The following RHOBTB1 variants were observed in gnomAD, a reference collection of about 807,000 sequenced individuals.
RHOBTB1 encodes Rho related BTB domain containing 1, also known as rho-related BTB domain-containing protein 1.
Under a neutral mutation model 71.6 loss-of-function variants are expected in RHOBTB1, and 40 were observed. The ratio of observed to expected loss-of-function variants is 0.56; its 90% confidence interval spans 0.43 to 0.73. The LOEUF (loss-of-function observed/expected upper bound fraction) is 0.73, where lower values mean the gene tolerates loss of function less well. Among genes scored for constraint, RHOBTB1 ranks in the 30% least tolerant of loss-of-function variants. RHOBTB1 has a pLI of 0.00. For missense variants in RHOBTB1, 797 were observed against 894.0 expected (o/e 0.89, Z 1.38); for synonymous variants, 319 against 334.9 (o/e 0.95, Z 0.52).
At chr10:60,882,339 T>C (rs981459596) in intron 7 of RHOBTB1, among the ~76,000 whole-genome samples, 3 of 152,100 alleles carry the variant, frequency 2.0e-5, no homozygotes, top group South Asian at 4.1e-4. Context: ...GGCAGTCTCA[T>C]AGAGAATGAG....
chr10:60,985,389 C>A (rs979512138), intron 2 of RHOBTB1, among the ~76,000 whole-genome samples: 1 of 152,138 alleles, frequency 6.6e-6, no homozygotes, highest in Non-Finnish European at 1.5e-5. Flanking sequence ...ACATTCAGTG[C>A]CCAGGCCAAA....
intron 1 of RHOBTB1, among the ~76,000 whole-genome samples, chr10:60,994,278 A>T (rs1016979925): frequency 1.3e-5 from 2 of 152,188 alleles, no homozygotes; most frequent in Non-Finnish European, 1.5e-5. Flanking sequence ...AAGCAATTAA[A>T]AAATGAAATA....
chr10:60,873,328 T>C (rs1458610283), intron 9 of RHOBTB1, among the ~76,000 whole-genome samples: 1 of 152,050 alleles, frequency 6.6e-6, no homozygotes, highest in Non-Finnish European at 1.5e-5. Flanking sequence ...ATGATGGGAG[T>C]ATTTATATCA....
At chr10:60,998,090 T>G (rs538161102) in intron 1 of RHOBTB1, among the ~76,000 whole-genome samples, 4 of 152,162 alleles carry the variant, frequency 2.6e-5, no homozygotes, top group African/African-American at 9.7e-5. Context: ...CCGTAAAATA[T>G]GGGGTTGTAC....
rs367901643 is a variant in RHOBTB1, at chr10:60,889,054, C to T, written c.614G>A (p.Arg205Gln). ...GIKDVFDNAI[R>Q]AALISRRHLQ... Reference sequence around the variant, plus strand: ...GTGCCTGCGGGAAATCAGCGCTGCTCGGATTGCATTGTCAAACACATCCTT... The same window carrying T: ...GTGCCTGCGGGAAATCAGCGCTGCTTGGATTGCATTGTCAAACACATCCTT... Residue 205 changes from arginine (R) to glutamine (Q), a missense_variant, in exon 6 of 11, where the codon CGA becomes CAA. By Grantham distance (43) the Arg-to-Gln change is conservative. Coordinates refer to ENST00000337910, the MANE Select transcript of RHOBTB1 (RefSeq NM_014836.5). The T allele has an allele frequency of 2.5e-6, 4 of 1,613,966 alleles. No homozygotes were observed. Among genetic ancestry groups the T allele is most frequent in the African/African-American group, 1.3e-5 (1 of 74,882 alleles).
At chr10:60,927,499 C>T (rs923994722) in intron 2 of RHOBTB1, among the ~76,000 whole-genome samples, 2 of 152,116 alleles carry the variant, frequency 1.3e-5, no homozygotes, top group African/African-American at 4.8e-5. Context: ...AAGCATGGGA[C>T]AGTCATAAAA....
intron 9 of RHOBTB1, among the ~76,000 whole-genome samples, chr10:60,873,001 G>A (rs992295542): frequency 2.3e-4 from 35 of 152,100 alleles, no homozygotes; most frequent in African/African-American, 7.2e-4. Context: ...GTTGTCTGTC[G>A]CTCTTGATGT....
At chr10:60,893,119 ACCAGATATT>A in intron 4 of RHOBTB1, 124 bp from the exon 5 acceptor site, 5 of 702,020 alleles carry the variant, frequency 7.1e-6, no homozygotes, top group Non-Finnish European at 1.2e-5. Context: ...AAAAAAAAAG[ACCAGATATT>A]AAAAAACATC....
chr10:60,979,739 G>C (rs1406905952), intron 2 of RHOBTB1, among the ~76,000 whole-genome samples: 1 of 152,156 alleles, frequency 6.6e-6, no homozygotes, highest in Non-Finnish European at 1.5e-5. Flanking sequence ...ATCAAAGAGA[G>C]AAATAAATCA....
chr10:60,934,295 C>T (rs986323371), intron 2 of RHOBTB1, among the ~76,000 whole-genome samples: 7 of 152,302 alleles, frequency 4.6e-5, no homozygotes, highest in East Asian at 3.9e-4. Flanking sequence ...CCTGAGCAGA[C>T]GTCCCACTCA....
chr10:60,968,629 G>C (rs899523110), intron 2 of RHOBTB1, among the ~76,000 whole-genome samples: 1 of 152,102 alleles, frequency 6.6e-6, no homozygotes, highest in Non-Finnish European at 1.5e-5. Flanking sequence ...TTTTCAAAAT[G>C]GGGAGGGAGA....
chr10:60,969,370 T>C (rs1442123204), intron 2 of RHOBTB1, among the ~76,000 whole-genome samples: 2 of 152,132 alleles, frequency 1.3e-5, no homozygotes, highest in Non-Finnish European at 2.9e-5. Flanking sequence ...GAGCTGTTGC[T>C]AATTGTGCTT....
At chr10:60,882,602 T>C (rs990041203) in intron 7 of RHOBTB1, among the ~76,000 whole-genome samples, 4 of 151,956 alleles carry the variant, frequency 2.6e-5, no homozygotes, top group Non-Finnish European at 5.9e-5. Flanking sequence ...CAAAAAAGGC[T>C]GATTTTCATG....
chr10:60,950,861 T>C (rs1306442918), intron 2 of RHOBTB1, among the ~76,000 whole-genome samples: 2 of 152,136 alleles, frequency 1.3e-5, no homozygotes, highest in Non-Finnish European at 2.9e-5. Context: ...AAATGCTGAC[T>C]GTAAGTATTA....
rs116370597 is a variant in RHOBTB1 at position 60,973,930 on chromosome 10, G to A, written c.-62+11915C>T. Among the ~76,000 whole-genome samples the A allele has an allele frequency of 8.3e-3, 1,260 of 152,056 alleles. 11 individuals carry two copies. Among genetic ancestry groups the A allele is most frequent in the African/African-American group, 0.029 (1,202 of 41,526 alleles). ...AGTAAAGGTTCTAATGTTTGAAGTA[G>A]TTTAGGCCAAATAGTTTACCTGAAG... On this transcript the variant is annotated intron_variant, in intron 2 of 11. Coordinates refer to the RHOBTB1 transcript ENST00000357917.
intron 2 of RHOBTB1, among the ~76,000 whole-genome samples, chr10:60,936,582 A>G (rs1443675710): frequency 6.6e-6 from 1 of 152,240 alleles, no homozygotes; most frequent in Non-Finnish European, 1.5e-5. Context: ...CCTATTAAGC[A>G]TGAATTTCAG....
upstream of RHOBTB1, among the ~76,000 whole-genome samples, chr10:60,948,717 A>G (rs1423904298): frequency 6.6e-6 from 1 of 152,214 alleles, no homozygotes; most frequent in East Asian, 1.9e-4. Flanking sequence ...CATTTTAAAG[A>G]ATAAGTGTTT....
chr10:60,861,584 A>G, the RHOBTB1 span, among the ~76,000 whole-genome samples: 1 of 152,142 alleles, frequency 6.6e-6, no homozygotes, highest in African/African-American at 2.4e-5. Flanking sequence ...TTAAGACAGG[A>G]CAGAGATCCT....
chr10:60,860,912 T>C, the RHOBTB1 span, among the ~76,000 whole-genome samples: 1 of 152,218 alleles, frequency 6.6e-6, no homozygotes, highest in Non-Finnish European at 1.5e-5. Flanking sequence ...TACAATCAGA[T>C]ACTAGTTGCT....
Sources: gnomAD v4.1 joint callset for allele counts (sites outside exome capture counted in the v4.1 genomes callset) on GRCh38, gnomAD v4.1.1 for gene constraint, MANE v1.5 for transcripts, NCBI Gene and HGNC (gene_info 2026-07-23, HGNC 2026-07-21) for gene names.